The following SKAP2 variants were observed in gnomAD, a reference collection of about 807,000 sequenced individuals.
SKAP2 encodes the protein src kinase associated phosphoprotein 2, also known as src kinase-associated phosphoprotein 2.
SKAP2 carries 28 observed loss-of-function variants against 54.9 expected under a neutral mutation model. The ratio of observed to expected loss-of-function variants is 0.51; its 90% CI spans 0.38 to 0.70. The LOEUF (loss-of-function observed/expected upper bound fraction) is 0.70. Among genes scored for constraint, SKAP2 ranks in the 30% least tolerant of loss-of-function variants. SKAP2 has a pLI of 0.00. For missense variants in SKAP2, 356 were observed against 424.1 expected (o/e 0.84, Z 1.41); for synonymous variants, 137 against 134.3 (o/e 1.02, Z -0.14).
chr7:26,836,439 A>G (rs550286318), intron 4 of SKAP2, among the ~76,000 whole-genome samples: 1 of 152,332 alleles, frequency 6.6e-6, no homozygotes, highest in Non-Finnish European at 1.5e-5. Flanking sequence ...TTTGCAATCT[A>G]TCCATCTGAC....
intron 11 of SKAP2, among the ~76,000 whole-genome samples, chr7:26,681,524 A>ATG (rs1786498207): frequency 6.6e-6 from 1 of 152,146 alleles, no homozygotes; most frequent in South Asian, 2.1e-4. Flanking sequence ...TTTTGCCTAA[A>ATG]TGTTTATTTA....
intron 4 of SKAP2, among the ~76,000 whole-genome samples, chr7:26,783,329 C>T (rs1050389434): frequency 6.6e-6 from 1 of 152,096 alleles, no homozygotes; most frequent in Non-Finnish European, 1.5e-5. Context: ...TGGTCTTCCT[C>T]CAATCCATAC....
chr7:26,779,656 T>C (rs1033684177), intron 4 of SKAP2, among the ~76,000 whole-genome samples: 1 of 152,018 alleles, frequency 6.6e-6, no homozygotes, highest in African/African-American at 2.4e-5. Context: ...ACGACTTGAT[T>C]TCAAGGCAAT....
chr7:26,813,250 G>T (rs1468815499), intron 4 of SKAP2, among the ~76,000 whole-genome samples: 2 of 152,104 alleles, frequency 1.3e-5, no homozygotes, highest in Non-Finnish European at 2.9e-5. Flanking sequence ...AGGCACAAAA[G>T]TAACAGTATG....
intron 4 of SKAP2, among the ~76,000 whole-genome samples, chr7:26,764,011 C>T (rs892041244): frequency 1.3e-5 from 2 of 152,144 alleles, no homozygotes; most frequent in African/African-American, 4.8e-5. Flanking sequence ...GTTCTTCTAT[C>T]ATCATCTCAA....
chr7:26,751,293 C>A (rs1004927224), intron 4 of SKAP2, among the ~76,000 whole-genome samples: 2 of 152,004 alleles, frequency 1.3e-5, no homozygotes, highest in Admixed American at 1.3e-4. Flanking sequence ...AAATAAGTGA[C>A]AAATGTGTAG....
rs1195377876 is a variant in SKAP2, at chr7:26,864,265, G to C, written c.67+98C>G. The C allele has an allele frequency of 6.8e-5, 98 of 1,438,328 alleles. 1 individual carries two copies. The South Asian group carries it at 8.5e-4, about 12-fold the overall frequency. The allele number at this position is 1,438,328 out of a possible 1,614,324, so 89.1% of individuals were successfully genotyped here. ...TGGCTAGAAGACGTGGGAAGCGCGG[G>C]GAGGGAGGATAAGGGCTCTGAATGC... is the stretch of plus-strand genomic sequence containing the variant. On this transcript the variant is annotated intron_variant, in intron 1 of 12. Coordinates refer to ENST00000345317, the MANE Select transcript of SKAP2 (RefSeq NM_003930.5).
At chr7:26,708,525 T>C (rs1428461369) in intron 9 of SKAP2, among the ~76,000 whole-genome samples, 4 of 152,200 alleles carry the variant, frequency 2.6e-5, no homozygotes, top group Non-Finnish European at 5.9e-5. Flanking sequence ...TATATACCAA[T>C]AGTTACCCCA....
At chr7:26,855,241 A>T (rs12536145) in intron 1 of SKAP2, 34,840 of 162,996 alleles carry the variant, frequency 0.21, 3,835 homozygotes, top group Non-Finnish European at 0.24. Context: ...CAAGCTTTTA[A>T]GCATGTGTTA....
intron 9 of SKAP2, among the ~76,000 whole-genome samples, chr7:26,725,094 G>GA (rs1034848854): frequency 2.6e-5 from 4 of 151,838 alleles, no homozygotes; most frequent in African/African-American, 9.7e-5. Flanking sequence ...TGAGTTGGTG[G>GA]AAAAAACTGT....
At chr7:26,788,466 G>A (rs774872839) in intron 4 of SKAP2, among the ~76,000 whole-genome samples, 20 of 151,864 alleles carry the variant, frequency 1.3e-4, no homozygotes, top group Admixed American at 2.6e-4. Flanking sequence ...GTAATAATTA[G>A]CTTATTTTTC....
chr7:26,843,671 CT>C (rs1270911487), intron 4 of SKAP2, among the ~76,000 whole-genome samples: 1 of 151,710 alleles, frequency 6.6e-6, no homozygotes, highest in East Asian at 1.9e-4. Flanking sequence ...GATCAAAAAT[CT>C]TTTTTATTAT....
chr7:26,679,056 C>G (rs1424511927), intron 11 of SKAP2, among the ~76,000 whole-genome samples: 1 of 152,152 alleles, frequency 6.6e-6, no homozygotes, highest in African/African-American at 2.4e-5. Flanking sequence ...CTGCCAAACT[C>G]TTAGTTATTC....
intron 4 of SKAP2, among the ~76,000 whole-genome samples, chr7:26,751,832 G>C (rs1782691236): frequency 6.6e-6 from 1 of 151,544 alleles, no homozygotes; most frequent in Non-Finnish European, 1.5e-5. Flanking sequence ...AGATACATTT[G>C]GAGAGGCAAA....
chr7:26,839,693 C>G (rs1784782460), intron 4 of SKAP2, among the ~76,000 whole-genome samples: 1 of 151,862 alleles, frequency 6.6e-6, no homozygotes, highest in South Asian at 2.1e-4. Flanking sequence ...TTGTTTCATA[C>G]TCTACTGATA....
chr7:26,769,495 T>C (rs1562604000), intron 4 of SKAP2, among the ~76,000 whole-genome samples: 1 of 152,192 alleles, frequency 6.6e-6, no homozygotes, highest in Non-Finnish European at 1.5e-5. Context: ...TTTTGTTCCC[T>C]TGCTGGCAAG....
rs1358157816 is a variant in SKAP2 at position 26,669,540 on chromosome 7, ACAGT to A, written c.*122_*125del. On this transcript the variant is annotated 3_prime_UTR_variant, in exon 13 of 13. Transcript: ENST00000345317. ...TTTTAATGAGCGACTGCATAAAATA[ACAGT>A]CAAAGATAAGTAATGTTTAATAAAA... The A allele has an allele frequency of 6.6e-6, 1 of 152,166 alleles. No individual in the cohort carries two copies. Among genetic ancestry groups the A allele is most frequent in the African/African-American group, 2.4e-5 (1 of 41,440 alleles). 9.4% of individuals were successfully genotyped at this position (152,166 alleles called of 1,614,324 possible).
Position 26,684,732 on chromosome 7 carries a change from T to C in SKAP2, c.987+4A>G, listed in dbSNP as rs772431037. ...ACAAACGTCATTTTGGGGTATCTTC[T>C]TACCTTGCTAAGAATGTAAATCACA... On this transcript the variant is annotated splice_donor_region_variant and intron_variant, in intron 11 of 12. Coordinates refer to ENST00000345317, the MANE Select transcript of SKAP2 (RefSeq NM_003930.5). 6.3e-7 allele frequency: 1 copy of C among 1,588,016 alleles called. No homozygotes were observed. Among genetic ancestry groups the C allele is most frequent in the South Asian group, 1.1e-5 (1 of 90,410 alleles).
chr7:26,690,176 G>T, intron 10 of SKAP2, 109 bp downstream of exon 10: 1 of 778,924 alleles, frequency 1.3e-6, no homozygotes, highest in East Asian at 2.6e-5. Flanking sequence ...AGCCAAAAAT[G>T]CCAACTTTGG....
Sources: gnomAD v4.1 joint callset for allele counts (sites outside exome capture counted in the v4.1 genomes callset) on GRCh38, gnomAD v4.1.1 for gene constraint, MANE v1.5 for transcripts, NCBI Gene and HGNC (gene_info 2026-07-23, HGNC 2026-07-21) for gene names.